SREBF2: variants seen among roughly 807,000 people sequenced by gnomAD.
SREBF2 encodes the protein sterol regulatory element binding transcription factor 2.
Under a neutral mutation model 113.1 loss-of-function variants are expected in SREBF2, and 55 were observed. The ratio of observed to expected loss-of-function variants is 0.49; its 90% CI spans 0.39 to 0.61. The LOEUF is 0.61. Among genes scored for constraint, SREBF2 ranks in the 20% least tolerant of loss-of-function variants. The pLI, the probability that SREBF2 is intolerant of heterozygous loss-of-function variation, is 0.00. For synonymous variants in SREBF2, 593 were observed against 605.7 expected, an observed-to-expected ratio of 0.98 and a Z score of 0.31; for missense variants, 1,349 against 1,487.4, an observed-to-expected ratio of 0.91 and a Z score of 1.53.
At position 41,833,679 on chromosome 22, in the gene SREBF2, G is replaced by T. The variant is rs2076739476; in HGVS notation, c.88+321G>T. 1 of 241,624 alleles carries T rather than the reference G, an allele frequency of 4.1e-6. No individual in the cohort carries two copies. Among genetic ancestry groups the T allele is most frequent in the Non-Finnish European group, 8.0e-6 (1 of 125,716 alleles). 15.0% of individuals were successfully genotyped at this position (241,624 alleles called of 1,614,324 possible). Reference sequence around the variant, plus strand: ...GGCCTAAGGAGAGCGCGTGGCCGCCGCCTCCCTCGCGCGCCCACACGCGGT... The same window carrying T: ...GGCCTAAGGAGAGCGCGTGGCCGCCTCCTCCCTCGCGCGCCCACACGCGGT... On this transcript the variant is annotated intron_variant, in intron 1 of 18. Transcript: ENST00000361204. The surrounding 1 kb of genome is among the most constrained non-coding windows in gnomAD (Gnocchi z 4.1).
intron 3 of SREBF2, 146 bp downstream of exon 3, chr22:41,868,938 G>A (rs183061752): frequency 7.2e-4 from 733 of 1,018,676 alleles, no homozygotes; most frequent in Non-Finnish European, 9.9e-4. Context: ...TGTGAGCAGC[G>A]TATAGTGACC....
chr22:41,895,431 CTTT>C (rs35810171), intron 13 of SREBF2, among the ~76,000 whole-genome samples: 1 of 106,220 alleles, frequency 9.4e-6, no homozygotes, highest in Non-Finnish European at 1.9e-5. Context: ...ATGCCCAGGC[CTTT>C]TTTTTTTTTT....
In SREBF2 at chr22:41,905,686, CCTCT is replaced by C. The variant is rs764693514; in HGVS notation, c.*32_*35del. 1.5e-5 allele frequency: 23 copies of C among 1,549,700 alleles called. No homozygotes were observed. Among genetic ancestry groups the C allele is most frequent in the Non-Finnish European group, 1.8e-5 (21 of 1,144,802 alleles). ...CCACCAGGCTCAGCCCACCCCTCCA[CCTCT>C]CTCTCGATTTCTCTCTCTCCCCCTC... On this transcript the variant is annotated 3_prime_UTR_variant, in exon 19 of 19. Coordinates refer to ENST00000361204, the MANE Select transcript of SREBF2 (RefSeq NM_004599.4).
intron 11 of SREBF2, among the ~76,000 whole-genome samples, chr22:41,888,303 A>C (rs2077318650): frequency 1.3e-5 from 2 of 152,160 alleles, no homozygotes; most frequent in Non-Finnish European, 2.9e-5. Context: ...ACCTGGAATT[A>C]ATTTTTATAA....
intron 9 of SREBF2, among the ~76,000 whole-genome samples, chr22:41,880,426 T>C (rs2148395913): frequency 6.7e-6 from 1 of 150,160 alleles, no homozygotes; most frequent in Non-Finnish European, 1.5e-5. Flanking sequence ...AGTGCTACTC[T>C]GAGGGAACTC....
At chr22:41,900,306 C>T (rs1180316571) in intron 15 of SREBF2, 24 bp from the exon 16 acceptor site, 1 of 1,609,130 alleles carries the variant, frequency 6.2e-7, no homozygotes, top group East Asian at 2.2e-5. Flanking sequence ...TGACCTGCCT[C>T]TCGACTCCCT....
In SREBF2 at chr22:41,904,902, G is replaced by T; in HGVS notation, c.3133G>T (p.Ala1045Ser). ...HEATVRLMAG[A>S]SPTRTHQLLE... The stretch of plus-strand genomic sequence containing the variant: ...AGCCACCGTGCGCCTGATGGCAGGA[G>T]CCAGCCCCACCCGCACCCACCAGCT... The change falls in exon 18 of 19, where the codon GCC becomes TCC. Residue 1045 changes from alanine to serine, a missense_variant. Physicochemically the swap from Ala to Ser is moderately conservative, Grantham distance 99 (BLOSUM62 1). This residue lies in a region of SREBF2 where 650 missense variants were observed against 644.1 expected (regional missense o/e 1.01). Transcript: ENST00000361204. The T allele has an allele frequency of 6.2e-7, 1 of 1,605,276 alleles. No homozygotes were observed. The highest frequency in any genetic ancestry group is 8.5e-7 in the Non-Finnish European group (1 of 1,178,354).
chr22:41,855,521 C>CA (rs1028845195), intron 1 of SREBF2, among the ~76,000 whole-genome samples: 48 of 150,820 alleles, frequency 3.2e-4, no homozygotes, highest in African/African-American at 1.1e-3. Context: ...GACTCTGGCT[C>CA]AAAAAAAACG....
intron 1 of SREBF2, among the ~76,000 whole-genome samples, chr22:41,853,177 T>A (rs1477135898): frequency 6.6e-6 from 1 of 152,250 alleles, no homozygotes; most frequent in Non-Finnish European, 1.5e-5. Context: ...TAGAGCATTG[T>A]GGGACAACTT....
At position 41,867,153 on chromosome 22, in the gene SREBF2, C is replaced by G; in HGVS notation, c.411C>G (p.Pro137=). 1 of 1,614,204 alleles carries G rather than the reference C, an allele frequency of 6.2e-7. No homozygotes were observed. The highest frequency in any genetic ancestry group is 8.5e-7 in the Non-Finnish European group (1 of 1,180,038). ...CTATTCTTCAGCCCCGCCCCCAGCC[C>G]CAGCCTCAACCTCAAACTCAGCTGC... ...ATPILQPRPQ[P]QPQPQTQLQQ... is the part of the protein sequence containing the mutation. Residue 137 remains proline, a synonymous_variant, in exon 2 of 19, where the codon CCC becomes CCG. Transcript: ENST00000361204.
At chr22:41,856,959 T>C (rs905131200) in intron 1 of SREBF2, among the ~76,000 whole-genome samples, 3 of 149,742 alleles carry the variant, frequency 2.0e-5, no homozygotes, top group Non-Finnish European at 4.4e-5. Flanking sequence ...CCCGGCTACA[T>C]GGGAGGCTGA....
Position 41,875,369 on chromosome 22 carries a change from T to C in SREBF2, c.1122T>C (p.Ile374=). 1 of 1,614,114 alleles carries C rather than the reference T, an allele frequency of 6.2e-7. No homozygotes were observed. The highest frequency in any genetic ancestry group is 8.5e-7 in the Non-Finnish European group (1 of 1,179,942). ...AGTCTGGCGTTCTGAGGAAGGCCAT[T>C]GATTACATCAAATACTTGCAGCAGG... ...MHKSGVLRKA[I]DYIKYLQQVN... The change falls in exon 6 of 19, where the codon ATT becomes ATC. Residue 374 remains isoleucine, a synonymous_variant. Transcript: ENST00000361204.
At chr22:41,842,401 T>A (rs1285079319) in intron 1 of SREBF2, among the ~76,000 whole-genome samples, 2 of 152,230 alleles carry the variant, frequency 1.3e-5, no homozygotes, top group African/African-American at 4.8e-5. Context: ...GTGCCTTGCC[T>A]TTTCCTTTCT....
chr22:41,851,030 C>A (rs1272182726), intron 1 of SREBF2, among the ~76,000 whole-genome samples: 1 of 152,138 alleles, frequency 6.6e-6, no homozygotes, highest in African/African-American at 2.4e-5. Context: ...CGTGAGCCAC[C>A]AAGCCCGGCC....
intron 15 of SREBF2, 83 bp from the exon 16 acceptor site, chr22:41,900,247 G>T: frequency 6.3e-7 from 1 of 1,579,308 alleles, no homozygotes; most frequent in Admixed American, 1.8e-5. Flanking sequence ...TGTGGGGCGT[G>T]GCAGTCACTG....
In SREBF2 at chr22:41,883,918, G is replaced by A. The variant is rs74969394; in HGVS notation, c.2039-924G>A. On this transcript the variant is annotated intron_variant, in intron 10 of 18. Transcript: ENST00000361204. ...GCCAGCAACAGTATGAAAGCCTCAC[G>A]AGAGCTGTGATGGGCCCTTGTGCCT... Among the ~76,000 whole-genome samples the A allele has an allele frequency of 4.0e-4, 61 of 152,344 alleles. No individual in the cohort carries two copies. The East Asian group carries it at 0.01, about 25-fold the overall frequency.
At chr22:41,868,175 A>G (rs1230084872) in intron 2 of SREBF2, among the ~76,000 whole-genome samples, 1 of 152,168 alleles carries the variant, frequency 6.6e-6, no homozygotes, top group Non-Finnish European at 1.5e-5. Flanking sequence ...ATTTCAAAGA[A>G]TCTTATAGTT....
At chr22:41,837,763 C>G (rs1487131099) in intron 1 of SREBF2, among the ~76,000 whole-genome samples, 1 of 149,068 alleles carries the variant, frequency 6.7e-6, no homozygotes, top group Non-Finnish European at 1.5e-5. Context: ...GAGGCTAAGG[C>G]AGGAGAATTG....
chr22:41,861,418 C>T (rs2077026327), intron 1 of SREBF2, among the ~76,000 whole-genome samples: 1 of 151,810 alleles, frequency 6.6e-6, no homozygotes, highest in Non-Finnish European at 1.5e-5. Flanking sequence ...ATTGCTTGAA[C>T]CTGGGATGTG....
Sources: allele counts gnomAD v4.1 joint callset (sites outside exome capture counted in the v4.1 genomes callset), GRCh38; gene constraint gnomAD v4.1.1; regional missense constraint gnomAD v4.1.1; non-coding constraint Gnocchi (gnomAD v3.1); transcripts MANE v1.5; gene names NCBI Gene and HGNC (gene_info 2026-07-23, HGNC 2026-07-21).